MLLT3: variants seen among roughly 807,000 people sequenced by gnomAD.
The protein encoded by MLLT3 is protein AF-9.
MLLT3 carries 4 observed loss-of-function variants against 53.2 expected under a neutral mutation model. The ratio of observed to expected loss-of-function variants is 0.08; its 90% confidence interval spans 0.04 to 0.17. The LOEUF (loss-of-function observed/expected upper bound fraction) is 0.17, where lower values mean the gene tolerates loss of function less well. Ranked by LOEUF, MLLT3 falls within the 10% of genes least tolerant of loss-of-function variation. The pLI, the probability that MLLT3 is intolerant of heterozygous loss-of-function variation, is 1.00. For synonymous variants in MLLT3, 283 were observed against 230.6 expected, an observed-to-expected ratio of 1.23 and a Z score of -2.06; for missense variants, 569 against 684.0, an observed-to-expected ratio of 0.83 and a Z score of 1.87.
chr9:20,619,234 T>C (rs1665879458), intron 2 of MLLT3, among the ~76,000 whole-genome samples: 1 of 152,226 alleles, frequency 6.6e-6, no homozygotes, highest in Non-Finnish European at 1.5e-5. Flanking sequence ...CTATAGGCCA[T>C]GCATATTTCT....
intron 10 of MLLT3, among the ~76,000 whole-genome samples, chr9:20,351,571 G>A (rs1210773782): frequency 6.6e-6 from 1 of 152,172 alleles, no homozygotes; most frequent in African/African-American, 2.4e-5. Context: ...CCGAGTGCCA[G>A]GACTGCATGC....
chr9:20,442,401 C>G (rs1448758881), intron 4 of MLLT3, among the ~76,000 whole-genome samples: 1 of 152,134 alleles, frequency 6.6e-6, no homozygotes, highest in Non-Finnish European at 1.5e-5. Context: ...GCACAAAGAA[C>G]TATGTATGAG....
rs1474194061 is a variant in MLLT3, at chr9:20,448,517, T to G, written c.277-251A>C. On this transcript the variant is annotated intron_variant, in intron 3 of 10. Coordinates refer to ENST00000380338, the MANE Select transcript of MLLT3 (RefSeq NM_004529.4). The surrounding 1 kb of genome is among the most constrained non-coding windows in gnomAD (Gnocchi z 4.0). ...AAACTTCTCTTCTTCCCCATGATCT[T>G]TCAGGTGACAGGATACCAGCAACAT... 1.3e-5 allele frequency among the ~76,000 whole-genome samples: 2 copies of G among 152,108 alleles called. No individual in the cohort carries two copies. The highest frequency in any genetic ancestry group is 2.9e-5 in the Non-Finnish European group (2 of 68,000).
intron 2 of MLLT3, among the ~76,000 whole-genome samples, chr9:20,566,302 CA>C (rs1190331009): frequency 6.7e-6 from 1 of 150,174 alleles, no homozygotes; most frequent in Non-Finnish European, 1.5e-5. Context: ...GACTCCATCT[CA>C]AAAAAAAGAA....
At chr9:20,456,625 A>G in intron 3 of MLLT3, 79 bp downstream of exon 3, 1 of 1,012,632 alleles carries the variant, frequency 9.9e-7, no homozygotes, top group Non-Finnish European at 1.5e-6. Flanking sequence ...AGAAGTGCTT[A>G]TGAGTCAAAA....
intron 2 of MLLT3, among the ~76,000 whole-genome samples, chr9:20,535,750 C>G (rs1216012913): frequency 6.6e-6 from 1 of 152,168 alleles, no homozygotes; most frequent in Non-Finnish European, 1.5e-5. Flanking sequence ...GAGACATTAG[C>G]TGATCCTCTC....
intron 2 of MLLT3, among the ~76,000 whole-genome samples, chr9:20,507,873 A>C (rs1209295335): frequency 6.6e-6 from 1 of 152,166 alleles, no homozygotes; most frequent in African/African-American, 2.4e-5. Flanking sequence ...AATCTATAAC[A>C]ATCCAAATAA....
chr9:20,582,909 C>T (rs1460778302), intron 2 of MLLT3, among the ~76,000 whole-genome samples: 1 of 152,042 alleles, frequency 6.6e-6, no homozygotes, highest in Non-Finnish European at 1.5e-5. Context: ...CACCCCTGGC[C>T]CCTCAAAATC....
At chr9:20,573,152 T>C (rs1280382989) in intron 2 of MLLT3, among the ~76,000 whole-genome samples, 1 of 150,346 alleles carries the variant, frequency 6.7e-6, no homozygotes, top group Non-Finnish European at 1.5e-5. Context: ...TTGTGTTTTG[T>C]TTTTGTTCCT....
intron 2 of MLLT3, among the ~76,000 whole-genome samples, chr9:20,465,227 G>C (rs1824206468): frequency 6.6e-6 from 1 of 152,032 alleles, no homozygotes; most frequent in South Asian, 2.1e-4. Context: ...TGGTTCAGGA[G>C]AGAAAGGGGA....
chr9:20,599,205 G>A (rs534701661), intron 2 of MLLT3, among the ~76,000 whole-genome samples: 1 of 151,744 alleles, frequency 6.6e-6, no homozygotes, highest in African/African-American at 2.4e-5. Context: ...TCAGGAAGCT[G>A]AGACAGGAGA....
intron 2 of MLLT3, among the ~76,000 whole-genome samples, chr9:20,470,720 C>G (rs991417917): frequency 1.3e-5 from 2 of 151,774 alleles, no homozygotes; most frequent in East Asian, 1.9e-4. Context: ...CTACCCTAAA[C>G]CAAAGGTACA....
At chr9:20,441,431 T>C (rs1260692989) in intron 4 of MLLT3, among the ~76,000 whole-genome samples, 2 of 152,170 alleles carry the variant, frequency 1.3e-5, no homozygotes, top group African/African-American at 4.8e-5. Context: ...AGGCTCACAA[T>C]TTTGACTTTC....
At chr9:20,614,732 C>G (rs1024539526) in intron 2 of MLLT3, among the ~76,000 whole-genome samples, 2 of 152,100 alleles carry the variant, frequency 1.3e-5, no homozygotes, top group Non-Finnish European at 2.9e-5. Flanking sequence ...TTCCCAGCTT[C>G]TATGACATCT....
At chr9:20,535,509 T>C (rs1401160289) in intron 2 of MLLT3, among the ~76,000 whole-genome samples, 1 of 151,916 alleles carries the variant, frequency 6.6e-6, no homozygotes, top group Non-Finnish European at 1.5e-5. Flanking sequence ...AATATAACTT[T>C]TAATAGAAAC....
chr9:20,564,750 G>A (rs1325920322), intron 2 of MLLT3, among the ~76,000 whole-genome samples: 1 of 152,180 alleles, frequency 6.6e-6, no homozygotes, highest in Non-Finnish European at 1.5e-5. Flanking sequence ...TCCACTGGAA[G>A]TGGATCAAAA....
At chr9:20,373,438 G>A (rs1460526847) in intron 5 of MLLT3, among the ~76,000 whole-genome samples, 5 of 152,180 alleles carry the variant, frequency 3.3e-5, no homozygotes, top group Non-Finnish European at 7.3e-5. Flanking sequence ...TTTCAAAAGC[G>A]AGCACCTGTC....
chr9:20,516,120 C>T (rs1281939169), intron 2 of MLLT3, among the ~76,000 whole-genome samples: 5 of 152,162 alleles, frequency 3.3e-5, no homozygotes, highest in Admixed American at 6.5e-5. Context: ...ACTATGAACA[C>T]CAGCACTGCC....
At chr9:20,384,408 T>C (rs1286028684) in intron 5 of MLLT3, among the ~76,000 whole-genome samples, 1 of 152,044 alleles carries the variant, frequency 6.6e-6, no homozygotes, top group Non-Finnish European at 1.5e-5. Context: ...CTTTAAAAAC[T>C]ACAATCACTA....
Sources: allele counts gnomAD v4.1 joint callset (sites outside exome capture counted in the v4.1 genomes callset), GRCh38; gene constraint gnomAD v4.1.1; non-coding constraint Gnocchi (gnomAD v3.1); transcripts MANE v1.5; gene names NCBI Gene and HGNC (gene_info 2026-07-23, HGNC 2026-07-21).